Variants in CPXM2 observed in about 807,000 individuals in gnomAD.
The protein encoded by CPXM2 is inactive carboxypeptidase-like protein X2.
Under a neutral mutation model 86.1 loss-of-function variants are expected in CPXM2, and 66 were observed. That is an observed-to-expected ratio of 0.77 (90% CI 0.63 to 0.94). CPXM2 has a LOEUF of 0.94. Ranked by LOEUF, CPXM2 falls within the 40% of genes least tolerant of loss-of-function variation. CPXM2 has a pLI of 0.00. For synonymous variants in CPXM2, 388 were observed against 400.2 expected (o/e 0.97, Z 0.36); for missense variants, 948 against 1,026.3 (o/e 0.92, Z 1.04).
chr10:123,757,151 C>A, intron 12 of CPXM2, 62 bp downstream of exon 12: 1 of 1,509,440 alleles, frequency 6.6e-7, no homozygotes, highest in Non-Finnish European at 9.2e-7. Context: ...TACTTTCAGC[C>A]ACCTCGGCAG....
At chr10:123,904,251 T>C (rs1378175287) in intron 2 of CPXM2, among the ~76,000 whole-genome samples, 1 of 152,210 alleles carries the variant, frequency 6.6e-6, no homozygotes, top group Non-Finnish European at 1.5e-5. Flanking sequence ...TGCAGCCTGT[T>C]CTTTCCCTTC....
At position 123,767,006 on chromosome 10, in the gene CPXM2, T is replaced by G. The variant is rs1326758540; in HGVS notation, c.1446A>C (p.Ala482=). ...TTTCCGACAGAAACCACTCAGGGAT[T>G]GCAATATAGTGATTGGGAACTTTCC... ...VPRKVPNHYI[A]IPEWFLSENA... is the part of the protein sequence containing the mutation. The change falls in exon 10 of 14, where the codon GCA becomes GCC. Residue 482 remains alanine (A), a synonymous_variant. Coordinates refer to ENST00000241305, the MANE Select transcript of CPXM2 (RefSeq NM_198148.3). The G allele has an allele frequency of 6.2e-7, 1 of 1,614,008 alleles. No individual in the cohort carries two copies. The highest frequency in any genetic ancestry group is 8.5e-7 in the Non-Finnish European group (1 of 1,179,964).
intron 2 of CPXM2, among the ~76,000 whole-genome samples, chr10:123,930,411 T>C (rs1448662864): frequency 1.3e-5 from 2 of 152,242 alleles, no homozygotes; most frequent in Admixed American, 6.5e-5. Context: ...TTAGTTTATC[T>C]TGGGCGTGAA....
At chr10:123,785,922 C>T (rs187597261) in intron 6 of CPXM2, among the ~76,000 whole-genome samples, 4 of 152,188 alleles carry the variant, frequency 2.6e-5, no homozygotes, top group East Asian at 3.9e-4. Flanking sequence ...TGTAAGCCAC[C>T]GCGCCCAGCC....
At chr10:123,844,853 T>C (rs1366973975) in intron 3 of CPXM2, among the ~76,000 whole-genome samples, 1 of 151,654 alleles carries the variant, frequency 6.6e-6, no homozygotes, top group Non-Finnish European at 1.5e-5. Flanking sequence ...CAAGATACCT[T>C]TGGGAGGTGA....
intron 4 of CPXM2, among the ~76,000 whole-genome samples, chr10:123,807,629 A>G (rs1847608387): frequency 6.6e-6 from 1 of 152,224 alleles, no homozygotes; most frequent in African/African-American, 2.4e-5. Context: ...AAGTACAGCA[A>G]GTCGTGGGAG....
chr10:123,935,380 C>A (rs1002205495), intron 2 of CPXM2, among the ~76,000 whole-genome samples: 1 of 152,118 alleles, frequency 6.6e-6, no homozygotes, highest in African/African-American at 2.4e-5. Context: ...AATTGGGGAA[C>A]CCACCCTGGG....
chr10:123,747,613 C>T (rs931220777), intron 13 of CPXM2, among the ~76,000 whole-genome samples: 6 of 152,154 alleles, frequency 3.9e-5, no homozygotes, highest in Non-Finnish European at 8.8e-5. Flanking sequence ...CTTGAGACCA[C>T]ATGAGACCCA....
chr10:123,790,811 A>C (rs1847189536), intron 6 of CPXM2, among the ~76,000 whole-genome samples: 5 of 152,162 alleles, frequency 3.3e-5, no homozygotes, highest in Admixed American at 2.6e-4. Context: ...TTGATATATG[A>C]ATGAGTGAAT....
At chr10:123,905,620 G>A (rs1302957344) in intron 2 of CPXM2, among the ~76,000 whole-genome samples, 1 of 152,162 alleles carries the variant, frequency 6.6e-6, no homozygotes, top group Non-Finnish European at 1.5e-5. Context: ...TGGCCCCTGG[G>A]TCTAGGCTGC....
intron 2 of CPXM2, among the ~76,000 whole-genome samples, chr10:123,875,732 C>T (rs751559858): frequency 3.3e-5 from 5 of 151,476 alleles, no homozygotes; most frequent in Admixed American, 6.6e-5. Flanking sequence ...CAAGCAAGCT[C>T]GCATTCACCA....
chr10:123,757,246 A>T lies in CPXM2; in HGVS notation c.1884T>A (p.Asn628Lys). 1 of 1,614,074 alleles carries T rather than the reference A, an allele frequency of 6.2e-7. No individual in the cohort carries two copies. The highest frequency in any genetic ancestry group is 8.5e-7 in the Non-Finnish European group (1 of 1,179,972). ...TGAACACGATCAGAGATTCCCGGTTATTCTCCCACTCCTCGGGCAGCTGGC... is the reference window on the plus strand; with the variant it reads ...TGAACACGATCAGAGATTCCCGGTTTTTCTCCCACTCCTCGGGCAGCTGGC... The part of the protein sequence containing the change: ...HESQLPEEWE[N>K]NRESLIVFME... Residue 628 changes from asparagine (N) to lysine (K), a missense_variant, in exon 12 of 14, where the codon AAT becomes AAA. Asn to Lys is a moderately conservative substitution (Grantham distance 94). Coordinates refer to ENST00000241305, the MANE Select transcript of CPXM2 (RefSeq NM_198148.3).
At chr10:123,927,559 G>A (rs1945634132) in intron 2 of CPXM2, among the ~76,000 whole-genome samples, 1 of 152,184 alleles carries the variant, frequency 6.6e-6, no homozygotes. Flanking sequence ...AGGTCACACA[G>A]CAAATGAATG....
chr10:123,843,281 A>AT (rs763509356), intron 3 of CPXM2: 1 of 455,720 alleles, frequency 2.2e-6, no homozygotes, highest in South Asian at 1.5e-5. Flanking sequence ...AATTTCCAAG[A>AT]TAGGTAAAGT....
chr10:123,855,666 A>C (rs1848706670), intron 3 of CPXM2, among the ~76,000 whole-genome samples: 1 of 152,206 alleles, frequency 6.6e-6, no homozygotes. Context: ...TCAATGTTCT[A>C]AAACTGCATT....
At chr10:123,889,453 T>A (rs1945231037) in intron 1 of CPXM2, among the ~76,000 whole-genome samples, 1 of 141,248 alleles carries the variant, frequency 7.1e-6, no homozygotes, top group African/African-American at 2.6e-5. Context: ...CCCAGCTAGT[T>A]CCATGTGGTG....
rs369348739 is a variant in CPXM2, at chr10:123,794,624, T to G, written c.889+3352A>C. On this transcript the variant is annotated intron_variant, in intron 6 of 13. Transcript: ENST00000241305. ...AAATCTCCCCAGGTTCTGATAAGCA[T>G]AGATATTCAGTGCAAAATGGACTAG... Among the ~76,000 whole-genome samples, 569 of 152,300 alleles carry G rather than the reference T, an allele frequency of 3.7e-3. 3 individuals are homozygous for G. Among genetic ancestry groups the G allele is most frequent in the South Asian group, 0.012 (59 of 4,824 alleles).
intron 4 of CPXM2, among the ~76,000 whole-genome samples, chr10:123,835,346 C>T (rs986771814): frequency 2.0e-5 from 3 of 152,154 alleles, no homozygotes; most frequent in African/African-American, 4.8e-5. Context: ...GAGATTTCCC[C>T]GTCTGAGAGC....
At chr10:123,764,152 C>T (rs1231210383) in intron 10 of CPXM2, among the ~76,000 whole-genome samples, 1 of 151,980 alleles carries the variant, frequency 6.6e-6, no homozygotes, top group Non-Finnish European at 1.5e-5. Context: ...ATTTGTTATT[C>T]TTCAGCTTTT....
Sources: allele counts gnomAD v4.1 joint callset (sites outside exome capture counted in the v4.1 genomes callset), GRCh38; gene constraint gnomAD v4.1.1; transcripts MANE v1.5; gene names NCBI Gene and HGNC (gene_info 2026-07-23, HGNC 2026-07-21).